Variants in TMEM87B observed in about 807,000 individuals in gnomAD.
TMEM87B encodes transmembrane protein 87B.
A neutral mutation model predicts 80.3 loss-of-function variants in TMEM87B; 83 were observed. That is an observed-to-expected ratio of 1.03 (90% CI 0.87 to 1.24). The LOEUF is 1.24. Among genes scored for constraint, TMEM87B ranks in the 50% most tolerant of loss-of-function variants. The pLI, the probability that TMEM87B is intolerant of heterozygous loss-of-function variation, is 0.00. For synonymous variants in TMEM87B, 219 were observed against 230.5 expected (o/e 0.95, Z 0.45); for missense variants, 625 against 674.4 (o/e 0.93, Z 0.81).
intron 15 of TMEM87B, among the ~76,000 whole-genome samples, chr2:112,101,787 A>C (rs1009668855): frequency 6.6e-6 from 1 of 152,190 alleles, no homozygotes; most frequent in Admixed American, 6.5e-5. Flanking sequence ...ACAAACTTCT[A>C]ATGTTGGAAA....
chr2:112,105,736 A>G (rs1326690452), intron 15 of TMEM87B: 4 of 322,156 alleles, frequency 1.2e-5, no homozygotes, highest in Non-Finnish European at 1.1e-5. Context: ...GTATGCATGT[A>G]TACTTGTTTA....
intron 11 of TMEM87B, among the ~76,000 whole-genome samples, chr2:112,095,896 T>C (rs2104492778): frequency 6.6e-6 from 1 of 152,352 alleles, no homozygotes; most frequent in African/African-American, 2.4e-5. Flanking sequence ...GCTTGAATTC[T>C]GCTTCACTGC....
At chr2:112,067,867 C>T (rs549841413) in intron 4 of TMEM87B, among the ~76,000 whole-genome samples, 1 of 152,318 alleles carries the variant, frequency 6.6e-6, no homozygotes, top group South Asian at 2.1e-4. Flanking sequence ...AACACTAACT[C>T]CTCCTTTATG....
intron 11 of TMEM87B, among the ~76,000 whole-genome samples, chr2:112,093,396 A>G (rs1041720467): frequency 2.0e-5 from 3 of 152,216 alleles, no homozygotes; most frequent in African/African-American, 7.2e-5. Flanking sequence ...ATCTGCTAAC[A>G]GCTGTGGAGC....
chr2:112,095,165 C>CTTTTTTTTTTGTTT (rs1679423949), intron 11 of TMEM87B: 1 of 540,868 alleles, frequency 1.8e-6, no homozygotes, highest in Admixed American at 3.5e-4. Context: ...TTCTTTCTTT[C>CTTTTTTTTTTGTTT]TTTTTTTTTT....
intron 8 of TMEM87B, among the ~76,000 whole-genome samples, chr2:112,081,997 A>G (rs1431930076): frequency 1.3e-5 from 2 of 152,146 alleles, no homozygotes; most frequent in African/African-American, 2.4e-5. Flanking sequence ...TACTCCCACA[A>G]AGATCTTCAT....
intron 14 of TMEM87B, among the ~76,000 whole-genome samples, chr2:112,099,739 C>T (rs894918278): frequency 1.3e-5 from 2 of 150,366 alleles, no homozygotes; most frequent in Non-Finnish European, 3.0e-5. Flanking sequence ...TAGCCAGGTG[C>T]GGTGGTATGT....
chr2:112,060,919 C>T (rs1424120564), intron 2 of TMEM87B, among the ~76,000 whole-genome samples: 3 of 151,844 alleles, frequency 2.0e-5, no homozygotes, highest in Admixed American at 1.3e-4. Context: ...GTCTAATAGA[C>T]GAACAAAAAA....
rs1182575726 is a variant in TMEM87B at position 112,085,998 on chromosome 2, T to C, written c.839-7T>C. The C allele has an allele frequency of 2.2e-5, 36 of 1,612,074 alleles. No individual in the cohort carries two copies. Among genetic ancestry groups the C allele is most frequent in the Non-Finnish European group, 3.1e-5 (36 of 1,179,230 alleles). ...AAAGTGAATTATTTTATTTTTTTCT[T>C]CCTCAGCCCAAGGCTTATTGATATT... On this transcript the variant is annotated splice_region_variant and splice_polypyrimidine_tract_variant and intron_variant, in intron 8 of 18. Coordinates refer to ENST00000283206, the MANE Select transcript of TMEM87B (RefSeq NM_032824.3).
Position 112,091,818 on chromosome 2 carries a change from G to A in TMEM87B, c.1104+35G>A, listed in dbSNP as rs748293213. 61 of 1,459,578 alleles carry A rather than the reference G, an allele frequency of 4.2e-5. No homozygotes were observed. The Middle Eastern group carries it at 1.2e-3, about 29-fold the overall frequency. 90.4% of individuals were successfully genotyped at this position (1,459,578 alleles called of 1,614,324 possible). A position where few individuals can be genotyped will look rare whatever the true frequency, so the allele number is the denominator to read the frequency against. On this transcript the variant is annotated intron_variant, in intron 11 of 18. Coordinates refer to ENST00000283206, the MANE Select transcript of TMEM87B (RefSeq NM_032824.3). ...ACTGTGTCCTTCAAAATAGTTTGTT[G>A]TATCATGAAAATCAGATTACATGTA...
At chr2:112,116,060 C>T in intron 18 of TMEM87B, 24 bp from the exon 19 acceptor site, 1 of 1,603,274 alleles carries the variant, frequency 6.2e-7, no homozygotes, top group Non-Finnish European at 8.5e-7. Context: ...CATGTTGATA[C>T]ATATCTTCTT....
chr2:112,115,841 G>A (rs1057445465), intron 18 of TMEM87B, among the ~76,000 whole-genome samples: 5 of 152,016 alleles, frequency 3.3e-5, no homozygotes, highest in African/African-American at 1.2e-4. Flanking sequence ...TCTCTATGTT[G>A]CCCAGGCCGG....
intron 11 of TMEM87B, among the ~76,000 whole-genome samples, chr2:112,094,640 A>T (rs1679403788): frequency 6.6e-6 from 1 of 152,232 alleles, no homozygotes; most frequent in Non-Finnish European, 1.5e-5. Flanking sequence ...GTATCTGATT[A>T]GTCAGATTGG....
Position 112,055,434 on chromosome 2 carries a change from C to G in TMEM87B, c.-158C>G. 1 of 840,342 alleles carries G rather than the reference C, an allele frequency of 1.2e-6. No individual in the cohort carries two copies. The highest frequency in any genetic ancestry group is 3.3e-5 in the East Asian group (1 of 30,070). 52.1% of individuals were successfully genotyped at this position (840,342 alleles called of 1,614,324 possible). ...GTCCTGGCCGGGTTTCCCAGAACTG[C>G]ACGGCGCCTCTCCGCCCAGGCCCAA... On this transcript the variant is annotated 5_prime_UTR_variant, in exon 1 of 19. Transcript: ENST00000283206.
intron 8 of TMEM87B, among the ~76,000 whole-genome samples, chr2:112,081,998 AG>A (rs1679012528): frequency 6.6e-6 from 1 of 152,144 alleles, no homozygotes; most frequent in Non-Finnish European, 1.5e-5. Flanking sequence ...ACTCCCACAA[AG>A]ATCTTCATAT....
chr2:112,062,841 CT>C (rs1337975540), intron 2 of TMEM87B, among the ~76,000 whole-genome samples: 1 of 152,260 alleles, frequency 6.6e-6, no homozygotes. Context: ...TTACTGAGGC[CT>C]TTCCACTCTG....
intron 2 of TMEM87B, among the ~76,000 whole-genome samples, chr2:112,061,364 TCTTTC>T (rs757590933): frequency 3.3e-5 from 5 of 152,226 alleles, no homozygotes; most frequent in Non-Finnish European, 7.3e-5. Flanking sequence ...AAGTCATGCC[TCTTTC>T]CTTTCACACA....
rs938685118 is a variant in TMEM87B at position 112,098,710 on chromosome 2, A to T, written c.1376+12A>T. The stretch of plus-strand genomic sequence containing the variant: ...GCAAACAATCAGAGGTACCTAACAT[A>T]GGAAATTTCAAGTCGTCAAGGATTT... On this transcript the variant is annotated intron_variant, in intron 14 of 18. Coordinates refer to ENST00000283206, the MANE Select transcript of TMEM87B (RefSeq NM_032824.3). The T allele has an allele frequency of 6.2e-7, 1 of 1,612,052 alleles. No individual in the cohort carries two copies. Among genetic ancestry groups the T allele is most frequent in the Non-Finnish European group, 8.5e-7 (1 of 1,178,206 alleles).
At chr2:112,110,294 A>G (rs1161913511) in intron 17 of TMEM87B, among the ~76,000 whole-genome samples, 2 of 152,044 alleles carry the variant, frequency 1.3e-5, no homozygotes, top group African/African-American at 4.8e-5. Context: ...GCATCACTGC[A>G]CTGGAATCAT....
Sources: allele counts gnomAD v4.1 joint callset (sites outside exome capture counted in the v4.1 genomes callset), GRCh38; gene constraint gnomAD v4.1.1; transcripts MANE v1.5; gene names NCBI Gene and HGNC (gene_info 2026-07-23, HGNC 2026-07-21).